ME2: variants seen among roughly 807,000 people sequenced by gnomAD.
The protein encoded by ME2 is malic enzyme 2.
ME2 carries 60 observed loss-of-function variants against 73.7 expected under a neutral mutation model. The ratio of observed to expected loss-of-function variants is 0.81; its 90% CI spans 0.66 to 1.01. ME2 has a LOEUF of 1.01. ME2 is among the 50% of genes least tolerant of loss of function. The pLI, the probability that ME2 is intolerant of heterozygous loss-of-function variation, is 0.00. For missense variants in ME2, 594 were observed against 705.5 expected (o/e 0.84, Z 1.79); for synonymous variants, 199 against 236.9 (o/e 0.84, Z 1.47).
At chr18:50,899,611 C>CA (rs910598421) in intron 2 of ME2, among the ~76,000 whole-genome samples, 4 of 151,792 alleles carry the variant, frequency 2.6e-5, no homozygotes, top group Non-Finnish European at 1.5e-5. Context: ...GCCCCTGTCT[C>CA]AAAAAAAATT....
chr18:50,925,842 A>G lies in ME2; in HGVS notation c.1258A>G (p.Ser420Gly). 6.2e-7 allele frequency: 1 copy of G among 1,612,060 alleles called. No homozygotes were observed. Among genetic ancestry groups the G allele is most frequent in the Non-Finnish European group, 8.5e-7 (1 of 1,178,130 alleles). Reference sequence around the variant, plus strand: ...TGAAAGGCCTGTAATATTTGCATTAAGTAATCCTACAGCACAGGCAGAGTG... The same window carrying G: ...TGAAAGGCCTGTAATATTTGCATTAGGTAATCCTACAGCACAGGCAGAGTG... ...INERPVIFALSNPTAQAECTA... is the reference protein window; with the variant it reads ...INERPVIFALGNPTAQAECTA... Residue 420 changes from serine (S) to glycine (G), a missense_variant, in exon 12 of 16, where the codon AGT becomes GGT. Coordinates refer to ENST00000321341, the MANE Select transcript of ME2 (RefSeq NM_002396.5).
chr18:50,911,858 CAGTT>C (rs1917166157), intron 3 of ME2, among the ~76,000 whole-genome samples: 1 of 152,104 alleles, frequency 6.6e-6, no homozygotes, highest in Non-Finnish European at 1.5e-5. Context: ...GAAATGATCA[CAGTT>C]AGGTTTTTAA....
At chr18:50,899,437 T>A (rs1307189542) in intron 2 of ME2, among the ~76,000 whole-genome samples, 1 of 152,028 alleles carries the variant, frequency 6.6e-6, no homozygotes, top group African/African-American at 2.4e-5. Context: ...TCTACCAGCC[T>A]GAACTCGTCT....
intron 15 of ME2, 63 bp from the exon 16 acceptor site, chr18:50,946,954 G>A: frequency 1.7e-6 from 2 of 1,178,770 alleles, no homozygotes; most frequent in East Asian, 4.7e-5. Flanking sequence ...TGTTATAATA[G>A]TACGTTGTCT....
chr18:50,951,447 A>C lies in ME2; in HGVS notation c.*4263A>C, dbSNP rs1568180018. ...AGCCCAGTCAGTATCCTTCAAGGAT[A>C]ACTTTTTCATACCTTTTTTTTGGTT... is the stretch of plus-strand genomic sequence containing the variant. On this transcript the variant is annotated 3_prime_UTR_variant, in exon 16 of 16. Coordinates refer to ENST00000321341, the MANE Select transcript of ME2 (RefSeq NM_002396.5). 2 of 152,236 alleles carry C rather than the reference A, an allele frequency of 1.3e-5. No individual in the cohort carries two copies. The highest frequency in any genetic ancestry group is 3.9e-4 in the East Asian group (2 of 5,184). 9.4% of individuals were successfully genotyped at this position (152,236 alleles called of 1,614,324 possible). A position where few individuals can be genotyped will look rare whatever the true frequency, so the allele number is the denominator to read the frequency against.
Position 50,950,794 on chromosome 18 carries a change from T to A in ME2, c.*3610T>A, listed in dbSNP as rs1227953257. Reference sequence around the variant, plus strand: ...ATGAGCCACTGCACCCAGCCAAGAATGTCCACTTCTGACAAGCTCCCAGGT... The same window carrying A: ...ATGAGCCACTGCACCCAGCCAAGAAAGTCCACTTCTGACAAGCTCCCAGGT... On this transcript the variant is annotated 3_prime_UTR_variant, in exon 16 of 16. Transcript: ENST00000321341. 2 of 152,300 alleles carry A rather than the reference T, an allele frequency of 1.3e-5. No individual in the cohort carries two copies. The highest frequency in any genetic ancestry group is 2.9e-5 in the Non-Finnish European group (2 of 68,190). The allele number at this position is 152,300 out of a possible 1,614,324, so 9.4% of individuals were successfully genotyped here.
At chr18:50,883,405 A>G (rs1916371810) in intron 1 of ME2, among the ~76,000 whole-genome samples, 1 of 152,230 alleles carries the variant, frequency 6.6e-6, no homozygotes, top group Admixed American at 6.5e-5. Flanking sequence ...TCCAGCAGCC[A>G]ATGTCTTAAC....
chr18:50,911,658 C>T (rs1917159655), intron 3 of ME2, among the ~76,000 whole-genome samples: 1 of 152,076 alleles, frequency 6.6e-6, no homozygotes, highest in Non-Finnish European at 1.5e-5. Context: ...AGGACTATAC[C>T]TGGAGAGAGT....
At chr18:50,907,089 C>T (rs191816860) in intron 2 of ME2, among the ~76,000 whole-genome samples, 3 of 152,266 alleles carry the variant, frequency 2.0e-5, no homozygotes, top group African/African-American at 7.2e-5. Flanking sequence ...TTCCAACAAG[C>T]ACTTCTGGGG....
At position 50,925,881 on chromosome 18, in the gene ME2, G is replaced by A. The variant is rs771494512; in HGVS notation, c.1297G>A (p.Ala433Thr). The change falls in exon 12 of 16, where the codon GCA becomes ACA. Residue 433 changes from alanine (A) to threonine (T), a missense_variant. Coordinates refer to ENST00000321341, the MANE Select transcript of ME2 (RefSeq NM_002396.5). ...TAQAECTAEE[A>T]YTLTEGRCLF... ...ACAGGCAGAGTGCACGGCTGAAGAA[G>A]CATATACACTTACAGAGGTATTAAT... 1 of 1,608,466 alleles carries A rather than the reference G, an allele frequency of 6.2e-7. No homozygotes were observed. The highest frequency in any genetic ancestry group is 2.2e-5 in the East Asian group (1 of 44,822).
chr18:50,897,737 A>G (rs1054367844), intron 2 of ME2, among the ~76,000 whole-genome samples: 1 of 151,238 alleles, frequency 6.6e-6, no homozygotes, highest in Non-Finnish European at 1.5e-5. Flanking sequence ...GAGCATGCCT[A>G]TAAACCCAGC....
At chr18:50,941,006 C>A (rs1174398435) in intron 15 of ME2, among the ~76,000 whole-genome samples, 12 of 151,672 alleles carry the variant, frequency 7.9e-5, no homozygotes, top group African/African-American at 2.9e-4. Context: ...ACCTGTAATC[C>A]CAGCATTTTG....
intron 1 of ME2, among the ~76,000 whole-genome samples, chr18:50,887,834 A>C (rs1234154496): frequency 3.9e-5 from 6 of 152,248 alleles, no homozygotes; most frequent in Admixed American, 1.3e-4. Context: ...AAAGAGACTG[A>C]AAATTTATAT....
At chr18:50,926,280 A>G (rs1917550485) in intron 12 of ME2, among the ~76,000 whole-genome samples, 1 of 152,080 alleles carries the variant, frequency 6.6e-6, no homozygotes, top group Non-Finnish European at 1.5e-5. Flanking sequence ...CCTTTATTTA[A>G]GTGTAGGTCT....
In ME2 at chr18:50,948,935, GT is replaced by G. The variant is rs1918159447; in HGVS notation, c.*1753del. ...GATCTCTGCAACCTCTGCCTCCTCG[GT>G]TCAGGCGATTCTTCTGCCTTAGCCT... On this transcript the variant is annotated 3_prime_UTR_variant, in exon 16 of 16. Coordinates refer to ENST00000321341, the MANE Select transcript of ME2 (RefSeq NM_002396.5). 1 of 148,780 alleles carries G rather than the reference GT, an allele frequency of 6.7e-6. No individual in the cohort carries two copies. The highest frequency in any genetic ancestry group is 1.5e-5 in the Non-Finnish European group (1 of 67,680). The allele number at this position is 148,780 out of a possible 1,614,324, so 9.2% of individuals were successfully genotyped here.
intron 2 of ME2, among the ~76,000 whole-genome samples, chr18:50,896,521 A>G (rs1201563375): frequency 6.6e-6 from 1 of 152,152 alleles, no homozygotes; most frequent in Admixed American, 6.5e-5. Context: ...TCCTTCATCT[A>G]TGTTTGGTTC....
At chr18:50,900,321 G>A (rs1264133282) in intron 2 of ME2, among the ~76,000 whole-genome samples, 1 of 150,588 alleles carries the variant, frequency 6.6e-6, no homozygotes, top group African/African-American at 2.4e-5. Flanking sequence ...TTGAGATGGA[G>A]TCTCGCTCTG....
chr18:50,896,005 A>T (rs1450637104), intron 2 of ME2, 77 bp downstream of exon 2: 7 of 1,025,200 alleles, frequency 6.8e-6, no homozygotes, highest in South Asian at 2.8e-5. Context: ...ATAAGGTGTG[A>T]CATATTTTTG....
At position 50,950,273 on chromosome 18, in the gene ME2, A is replaced by G. The variant is rs1237603731; in HGVS notation, c.*3089A>G. The G allele has an allele frequency of 6.6e-6, 1 of 152,148 alleles. No individual in the cohort carries two copies. The highest frequency in any genetic ancestry group is 2.4e-5 in the African/African-American group (1 of 41,450). 9.4% of individuals were successfully genotyped at this position (152,148 alleles called of 1,614,324 possible). On this transcript the variant is annotated 3_prime_UTR_variant, in exon 16 of 16. Coordinates refer to ENST00000321341, the MANE Select transcript of ME2 (RefSeq NM_002396.5). Reference sequence around the variant, plus strand: ...CCTCAGATCACTGTGAAGCTTTAAAATGCAGGTGCCTTTGCTCCTCCTCCC... The same window carrying G: ...CCTCAGATCACTGTGAAGCTTTAAAGTGCAGGTGCCTTTGCTCCTCCTCCC...
Sources: gnomAD v4.1 joint callset for allele counts (sites outside exome capture counted in the v4.1 genomes callset) on GRCh38, gnomAD v4.1.1 for gene constraint, MANE v1.5 for transcripts, NCBI Gene and HGNC (gene_info 2026-07-23, HGNC 2026-07-21) for gene names.